PKD2L1: variants seen among roughly 807,000 people sequenced by gnomAD.
The protein encoded by PKD2L1 is polycystin-2-like protein 1.
PKD2L1 carries 77 observed loss-of-function variants against 93.0 expected under a neutral mutation model. The observed-to-expected ratio is 0.83, with a 90% CI of 0.69 to 1.00. The LOEUF is 1.00. PKD2L1 is among the 50% of genes least tolerant of loss of function. The pLI is 0.00. For missense variants in PKD2L1, 977 were observed against 990.9 expected (o/e 0.99, Z 0.19); for synonymous variants, 390 against 388.0 (o/e 1.01, Z -0.06).
At chr10:100,295,746 A>G (rs1246532125) in intron 7 of PKD2L1, among the ~76,000 whole-genome samples, 13 of 150,868 alleles carry the variant, frequency 8.6e-5, no homozygotes, top group Non-Finnish European at 1.9e-4. Flanking sequence ...AAAAAAAAAA[A>G]AAAAAAAAGT....
intron 2 of PKD2L1, among the ~76,000 whole-genome samples, chr10:100,303,983 C>T (rs930698059): frequency 8.5e-5 from 13 of 152,148 alleles, no homozygotes; most frequent in South Asian, 2.1e-4. Flanking sequence ...TAACATTGCC[C>T]GTCAACTATT....
chr10:100,297,297 T>A (rs1848565957), intron 5 of PKD2L1, 85 bp downstream of exon 5: 1 of 1,528,268 alleles, frequency 6.5e-7, no homozygotes, highest in Admixed American at 1.7e-5. Flanking sequence ...CACCACAGGG[T>A]AGGAGTTTAG....
At chr10:100,328,918 A>G (rs1589687405) in intron 2 of PKD2L1, among the ~76,000 whole-genome samples, 1 of 152,148 alleles carries the variant, frequency 6.6e-6, no homozygotes, top group African/African-American at 2.4e-5. Context: ...AAATATTTTC[A>G]CCTTTCACCT....
At chr10:100,307,919 T>C (rs73341812) in intron 2 of PKD2L1, among the ~76,000 whole-genome samples, 7,519 of 152,216 alleles carry the variant, frequency 0.049, 625 homozygotes, top group African/African-American at 0.17. Flanking sequence ...AAGGTGACAC[T>C]AGACCAGAGT....
At chr10:100,289,163 C>A in intron 14 of PKD2L1, 107 bp from the exon 15 acceptor site, 1 of 703,472 alleles carries the variant, frequency 1.4e-6, no homozygotes, top group East Asian at 2.7e-5. Flanking sequence ...AGACTGTTTG[C>A]GTCCCTCCCA....
In PKD2L1 at chr10:100,330,005, C is replaced by T. The variant is rs1257149580; in HGVS notation, c.99G>A (p.Gly33=). The part of the protein sequence containing the change: ...PAYSGPPSPH[G]TLRVCTISST... ...TGGAGATGGTGCAGACTCTCAGCGT[C>T]CCGTGTGGGGAAGGGGGACCACTGT... Residue 33 remains glycine, a synonymous_variant, in exon 1 of 16, where the codon GGG becomes GGA. Coordinates refer to ENST00000318222, the MANE Select transcript of PKD2L1 (RefSeq NM_016112.3). 6 of 1,613,852 alleles carry T rather than the reference C, an allele frequency of 3.7e-6. No homozygotes were observed. Among genetic ancestry groups the T allele is most frequent in the Non-Finnish European group, 4.2e-6 (5 of 1,179,830 alleles).
intron 7 of PKD2L1, among the ~76,000 whole-genome samples, chr10:100,295,547 C>T (rs747699996): frequency 6.7e-6 from 1 of 150,362 alleles, no homozygotes; most frequent in Non-Finnish European, 1.5e-5. Flanking sequence ...GCCTGGCCAA[C>T]ATGGTGAAAC....
At chr10:100,316,120 G>C (rs1849095746) in intron 2 of PKD2L1, among the ~76,000 whole-genome samples, 1 of 152,080 alleles carries the variant, frequency 6.6e-6, no homozygotes, top group African/African-American at 2.4e-5. Context: ...GTCACTGTTT[G>C]TTTACATGTC....
chr10:100,302,921 T>C (rs1482489916), intron 2 of PKD2L1, among the ~76,000 whole-genome samples: 1 of 152,188 alleles, frequency 6.6e-6, no homozygotes, highest in East Asian at 1.9e-4. Context: ...TAAGAGAATA[T>C]CCTTGTTTTT....
chr10:100,324,765 G>A (rs1405778267), intron 2 of PKD2L1, among the ~76,000 whole-genome samples: 6 of 152,188 alleles, frequency 3.9e-5, no homozygotes, highest in Non-Finnish European at 8.8e-5. Context: ...TTTGAATCCA[G>A]TGTGTCTGAC....
chr10:100,310,226 CG>C (rs556183441), intron 2 of PKD2L1, among the ~76,000 whole-genome samples: 1 of 152,050 alleles, frequency 6.6e-6, no homozygotes, highest in South Asian at 2.1e-4. Context: ...CCCAGCTACT[CG>C]GGGAGGCTGA....
At chr10:100,314,703 TTATC>T (rs201250978) in intron 2 of PKD2L1, among the ~76,000 whole-genome samples, 1,536 of 152,088 alleles carry the variant, frequency 0.01, 35 homozygotes, top group Admixed American at 0.052. Context: ...AGAAGCTTCT[TTATC>T]TAAAATTCAT....
chr10:100,294,366 T>C (rs955517164), intron 9 of PKD2L1, among the ~76,000 whole-genome samples, 169 bp downstream of exon 9: 8 of 152,132 alleles, frequency 5.3e-5, no homozygotes, highest in African/African-American at 1.9e-4. Context: ...AAACTGACCA[T>C]GCTGGCTGTA....
At position 100,297,228 on chromosome 10, in the gene PKD2L1, T is replaced by G; in HGVS notation, c.957-20A>C. ...ACCAGCCTATAGGGGGAGGGGGAGA[T>G]GACCTCCAGTGGAGCCTTCGCTGGG... On this transcript the variant is annotated intron_variant, in intron 5 of 15. Transcript: ENST00000318222. The G allele has an allele frequency of 6.2e-7, 1 of 1,605,216 alleles. No individual in the cohort carries two copies. Among genetic ancestry groups the G allele is most frequent in the Middle Eastern group, 1.7e-4 (1 of 6,004 alleles).
chr10:100,290,357 G>A (rs777817712), intron 13 of PKD2L1, 44 bp downstream of exon 13: 2 of 1,371,912 alleles, frequency 1.5e-6, no homozygotes, highest in Non-Finnish European at 2.1e-6. Flanking sequence ...TATCGTAATA[G>A]AAGTGTTGCC....
In PKD2L1 at chr10:100,289,260, C is replaced by G. The variant is rs575139824; in HGVS notation, c.2251-204G>C. ...GGGGATTAGATAGTGAGTATGTAGC[C>G]CTTATGAGTGGGCTCACGCCTGTAA... is the stretch of plus-strand genomic sequence containing the variant. On this transcript the variant is annotated intron_variant, in intron 14 of 15. Coordinates refer to ENST00000318222, the MANE Select transcript of PKD2L1 (RefSeq NM_016112.3). Among the ~76,000 whole-genome samples the G allele has an allele frequency of 2.9e-3, 441 of 152,276 alleles. 4 individuals are homozygous for G. The highest frequency in any genetic ancestry group is 0.01 in the African/African-American group (430 of 41,550).
chr10:100,318,810 C>T (rs888589150), intron 2 of PKD2L1, among the ~76,000 whole-genome samples: 3 of 149,852 alleles, frequency 2.0e-5, no homozygotes, highest in Admixed American at 6.6e-5. Context: ...TGAGCCACCG[C>T]ACCCAGCCTG....
At chr10:100,297,662 G>A (rs1848579813) in intron 4 of PKD2L1, 56 bp from the exon 5 acceptor site, 1 of 1,253,694 alleles carries the variant, frequency 8.0e-7, no homozygotes, top group Non-Finnish European at 1.2e-6. Flanking sequence ...CAAGGCAATG[G>A]CAATGCTTTA....
chr10:100,324,796 A>G lies in PKD2L1; in HGVS notation c.349+4415T>C, dbSNP rs149383492. 1.1e-3 allele frequency among the ~76,000 whole-genome samples: 170 copies of G among 152,300 alleles called. 1 individual carries two copies. The highest frequency in any genetic ancestry group is 3.8e-3 in the African/African-American group (158 of 41,556). The stretch of plus-strand genomic sequence containing the variant: ...CTGACTCCAATGTTTTTATGTTTTC[A>G]TCATGCCACTGTGTTTACCTAATAA... On this transcript the variant is annotated intron_variant, in intron 2 of 15. Coordinates refer to ENST00000318222, the MANE Select transcript of PKD2L1 (RefSeq NM_016112.3).
Sources: gnomAD v4.1 joint callset for allele counts (sites outside exome capture counted in the v4.1 genomes callset) on GRCh38, gnomAD v4.1.1 for gene constraint, MANE v1.5 for transcripts, NCBI Gene and HGNC (gene_info 2026-07-23, HGNC 2026-07-21) for gene names.